PRDM4: variants seen among roughly 807,000 people sequenced by gnomAD.
PRDM4 encodes PR/SET domain 4.
Under a neutral mutation model 62.3 loss-of-function variants are expected in PRDM4, and 38 were observed. The ratio of observed to expected loss-of-function variants is 0.61; its 90% CI spans 0.47 to 0.80. PRDM4 has a LOEUF of 0.80. PRDM4 is among the 30% of genes least tolerant of loss of function. The pLI is 0.00. For missense variants in PRDM4, 858 were observed against 997.1 expected (o/e 0.86, Z 1.88); for synonymous variants, 339 against 348.2 (o/e 0.97, Z 0.30).
Position 107,752,316 on chromosome 12 carries a change from C to T in PRDM4, c.332-107G>A, listed in dbSNP as rs985974495. The T allele has an allele frequency of 2.5e-5, 20 of 797,400 alleles. No individual in the cohort carries two copies. In the South Asian group the frequency reaches 3.6e-4, roughly 14 times the overall value. The allele number at this position is 797,400 out of a possible 1,614,324, so 49.4% of individuals were successfully genotyped here. ...AAACATAACTAAGTTCAAATAATCTCCTGCTTCTTTAATTTAATCGATACA... is the reference window on the plus strand; with the variant it reads ...AAACATAACTAAGTTCAAATAATCTTCTGCTTCTTTAATTTAATCGATACA... On this transcript the variant is annotated intron_variant, in intron 4 of 11. Transcript: ENST00000228437.
rs908893359 is a variant in PRDM4, at chr12:107,734,285, G to C, written c.2331C>G (p.Asp777Glu). The change falls in exon 12 of 12, where the codon GAC (aspartate) becomes GAG (glutamate). Residue 777 changes from aspartate (D) to glutamate (E), a missense_variant. Around this residue, in one of 3 missense-constraint regions of PRDM4, gnomAD observed 355 missense variants for 432.6 expected, o/e 0.82. Coordinates refer to ENST00000228437, the MANE Select transcript of PRDM4 (RefSeq NM_012406.4). ...TCCTACAGTCTTCTGTCCCCACAGA[G>C]TCTGCTAGATCTTCCTCTTCTGAGT... The part of the protein sequence containing the change: ...EDDSEEEDLA[D>E]SVGTEDCRIN... 6.2e-7 allele frequency: 1 copy of C among 1,614,184 alleles called. No homozygotes were observed. Among genetic ancestry groups the C allele is most frequent in the Non-Finnish European group, 8.5e-7 (1 of 1,180,026 alleles).
intron 6 of PRDM4, among the ~76,000 whole-genome samples, chr12:107,745,251 TCTCCAA>T (rs1890658843): frequency 6.6e-6 from 1 of 152,054 alleles, no homozygotes; most frequent in Admixed American, 6.5e-5. Flanking sequence ...TTTTCATGTC[TCTCCAA>T]ATACATTATT....
At chr12:107,757,838 C>T (rs868212615) in intron 2 of PRDM4, among the ~76,000 whole-genome samples, 1 of 152,024 alleles carries the variant, frequency 6.6e-6, no homozygotes, top group East Asian at 1.9e-4. Context: ...AAATGTCTTT[C>T]GAATAAGAGT....
At chr12:107,737,447 C>T (rs1890369496) in intron 11 of PRDM4, among the ~76,000 whole-genome samples, 1 of 152,100 alleles carries the variant, frequency 6.6e-6, no homozygotes, top group Admixed American at 6.6e-5. Context: ...CTTTCTATCC[C>T]ATGAAAGTTT....
chr12:107,752,391 G>A (rs562535561), intron 4 of PRDM4, among the ~76,000 whole-genome samples, 182 bp from the exon 5 acceptor site: 5 of 152,150 alleles, frequency 3.3e-5, no homozygotes, highest in Non-Finnish European at 7.4e-5. Flanking sequence ...AGTTTTTCCT[G>A]TAAAACTCGA....
chr12:107,756,786 AAC>A, intron 3 of PRDM4, 44 bp downstream of exon 3: 1 of 1,607,712 alleles, frequency 6.2e-7, no homozygotes, highest in East Asian at 2.2e-5. Context: ...TAGAATTGAT[AAC>A]AGAGTTAAGT....
chr12:107,740,879 A>G, intron 10 of PRDM4, 67 bp downstream of exon 10: 1 of 1,489,466 alleles, frequency 6.7e-7, no homozygotes, highest in Non-Finnish European at 9.1e-7. Context: ...ATCCCTCTAC[A>G]AAGCCTTTAC....
At chr12:107,740,815 C>A in intron 10 of PRDM4, 131 bp downstream of exon 10, 1 of 926,452 alleles carries the variant, frequency 1.1e-6, no homozygotes, top group Non-Finnish European at 1.6e-6. Flanking sequence ...CAAGGAATCT[C>A]AGTTAAACCA....
intron 5 of PRDM4, 96 bp downstream of exon 5, chr12:107,751,319 T>C: frequency 1.6e-6 from 2 of 1,280,310 alleles, no homozygotes; most frequent in Admixed American, 2.4e-5. Flanking sequence ...AGTTGCTTTC[T>C]ATACTCCCTT....
intron 2 of PRDM4, chr12:107,759,660 GTAA>G (rs1336278033): frequency 6.6e-6 from 1 of 152,158 alleles, no homozygotes; most frequent in Non-Finnish European, 1.5e-5. Context: ...TAAACCAAAG[GTAA>G]TGAGTATCCC....
chr12:107,744,701 A>C (rs1420912311), intron 6 of PRDM4, 40 bp from the exon 7 acceptor site: 1 of 1,607,738 alleles, frequency 6.2e-7, no homozygotes. Context: ...TCAATGATTT[A>C]AACAGCAAGA....
intron 5 of PRDM4, among the ~76,000 whole-genome samples, chr12:107,749,976 C>T (rs751366871): frequency 1.3e-5 from 2 of 152,166 alleles, no homozygotes; most frequent in Non-Finnish European, 2.9e-5. Flanking sequence ...TGACTCTCAA[C>T]TGCCCACATC....
intron 5 of PRDM4, among the ~76,000 whole-genome samples, chr12:107,747,818 C>CG (rs1890760956): frequency 6.6e-6 from 1 of 151,334 alleles, no homozygotes; most frequent in South Asian, 2.1e-4. Context: ...TTTTTTAAGA[C>CG]GGGGTCCCGA....
At chr12:107,750,499 G>A (rs914277209) in intron 5 of PRDM4, among the ~76,000 whole-genome samples, 1 of 152,076 alleles carries the variant, frequency 6.6e-6, no homozygotes, top group African/African-American at 2.4e-5. Flanking sequence ...AGCCGTGATC[G>A]CACCACTGCA....
chr12:107,755,102 T>G (rs1262850829), intron 3 of PRDM4, among the ~76,000 whole-genome samples: 1 of 152,146 alleles, frequency 6.6e-6, no homozygotes, highest in African/African-American at 2.4e-5. Context: ...TTTTTTTTTT[T>G]GAGACAAGGT....
rs1179961423 is a variant in PRDM4, at chr12:107,760,506, T to A, written c.10A>T (p.Arg4Trp). Residue 4 changes from arginine (R) to tryptophan (W), a missense_variant and splice_region_variant, in exon 2 of 12, where the codon AGG becomes TGG. Physicochemically the swap from Arg to Trp is moderately radical, Grantham distance 101. Transcript: ENST00000228437. ...GCTGAAGCCCACCTCCCTACTCACC[T>A]GTGATGCATCGGCTTGGGGCCAAAT... The part of the protein sequence containing the change: MHH[R>W]MNEMNLSPVG... The A allele has an allele frequency of 1.2e-6, 2 of 1,613,508 alleles. No homozygotes were observed. Among genetic ancestry groups the A allele is most frequent in the Admixed American group, 3.3e-5 (2 of 59,926 alleles).
chr12:107,752,830 T>C (rs1707591894), intron 4 of PRDM4, among the ~76,000 whole-genome samples: 1 of 152,166 alleles, frequency 6.6e-6, no homozygotes, highest in East Asian at 1.9e-4. Context: ...TACTCTTCTC[T>C]AAATCCATTT....
chr12:107,744,391 G>A, intron 7 of PRDM4, 152 bp downstream of exon 7: 1 of 874,560 alleles, frequency 1.1e-6, no homozygotes. Flanking sequence ...AATGATGAAT[G>A]TAACATTTAA....
At chr12:107,739,601 C>A in intron 10 of PRDM4, 50 bp from the exon 11 acceptor site, 1 of 1,557,894 alleles carries the variant, frequency 6.4e-7, no homozygotes, top group Non-Finnish European at 8.7e-7. Flanking sequence ...CTGCTGGCAT[C>A]CCCAAGACAC....
Sources: gnomAD v4.1 joint callset for allele counts (sites outside exome capture counted in the v4.1 genomes callset) on GRCh38, gnomAD v4.1.1 for gene constraint, gnomAD v4.1.1 regional missense constraint, MANE v1.5 for transcripts, NCBI Gene and HGNC (gene_info 2026-07-23, HGNC 2026-07-21) for gene names.